Variants in GNAQ observed in about 807,000 individuals in gnomAD.
GNAQ encodes the protein guanine nucleotide-binding protein G(q) subunit alpha.
In GNAQ, 8 loss-of-function variants were observed where a neutral mutation model predicts 43.9. The ratio of observed to expected loss-of-function variants is 0.18; its 90% CI spans 0.11 to 0.33. The LOEUF (loss-of-function observed/expected upper bound fraction) is 0.33. GNAQ is among the 10% of genes least tolerant of loss of function. The pLI is 1.00. For missense variants in GNAQ, 158 were observed against 450.8 expected (o/e 0.35, Z 5.88); for synonymous variants, 155 against 170.7 (o/e 0.91, Z 0.71).
intron 1 of GNAQ, among the ~76,000 whole-genome samples, chr9:78,024,439 T>C (rs545476129): frequency 2.0e-5 from 3 of 152,288 alleles, no homozygotes; most frequent in East Asian, 1.9e-4. Context: ...TTACTGATAA[T>C]AGAATCATCA....
At chr9:77,722,223 G>A (rs142653544) in intron 6 of GNAQ, among the ~76,000 whole-genome samples, 1 of 151,188 alleles carries the variant, frequency 6.6e-6, no homozygotes, top group East Asian at 1.9e-4. Flanking sequence ...TGCAACCTCT[G>A]CCTCCCAGGT....
chr9:77,958,510 C>T (rs1241547116), intron 1 of GNAQ, among the ~76,000 whole-genome samples: 2 of 152,112 alleles, frequency 1.3e-5, no homozygotes, highest in East Asian at 3.8e-4. Context: ...TTTAGGACTT[C>T]CTTTGAAAGT....
chr9:77,835,168 C>T (rs1482115244), intron 2 of GNAQ, among the ~76,000 whole-genome samples: 2 of 152,034 alleles, frequency 1.3e-5, no homozygotes, highest in Non-Finnish European at 2.9e-5. Flanking sequence ...ATACACAGAA[C>T]AGCATGCAAT....
intron 5 of GNAQ, among the ~76,000 whole-genome samples, chr9:77,753,752 C>T (rs1385691451): frequency 6.6e-6 from 1 of 152,142 alleles, no homozygotes; most frequent in African/African-American, 2.4e-5. Context: ...TATTATTCTC[C>T]AGCATGCTAC....
In GNAQ at chr9:77,866,803, A is replaced by G. The variant is rs192781672; in HGVS notation, c.322-51033T>C. 1.1e-4 allele frequency among the ~76,000 whole-genome samples: 17 copies of G among 152,384 alleles called. No individual in the cohort carries two copies. The East Asian group carries it at 1.3e-3, about 12-fold the overall frequency. On this transcript the variant is annotated intron_variant, in intron 2 of 6. Transcript: ENST00000286548. ...CAATATTTTGTCTAAATTAAAATAC[A>G]AACTTTTTAAATGAAGGTATATAAA...
At chr9:77,994,455 C>T (rs1823544683) in intron 1 of GNAQ, among the ~76,000 whole-genome samples, 1 of 152,132 alleles carries the variant, frequency 6.6e-6, no homozygotes, top group African/African-American at 2.4e-5. Context: ...GTTACTATTC[C>T]TTCAGAACTT....
Position 77,912,957 on chromosome 9 carries a change from TGAGACCCAGTCTCAAACACAA to T in GNAQ, c.321+9183_321+9203del, listed in dbSNP as rs1294893848. ...TCTTGACCAGCCTGGGCAACATAGC[TGAGACCCAGTCTCAAACACAA>T]ACCAAAACTAGTAATACCAGCCATG... is the stretch of plus-strand genomic sequence containing the variant. On this transcript the variant is annotated intron_variant, in intron 2 of 6. Transcript: ENST00000286548. Among the ~76,000 whole-genome samples, 3 of 152,098 alleles carry T rather than the reference TGAGACCCAGTCTCAAACACAA, an allele frequency of 2.0e-5. No homozygotes were observed. The East Asian group carries it at 5.8e-4, about 29-fold the overall frequency.
chr9:77,837,847 A>AAT (rs781418287), intron 2 of GNAQ, among the ~76,000 whole-genome samples: 1 of 128,966 alleles, frequency 7.8e-6, no homozygotes, highest in African/African-American at 3.0e-5. Flanking sequence ...AGTGATTTAA[A>AAT]TTTTTTTTTT....
intron 1 of GNAQ, among the ~76,000 whole-genome samples, chr9:77,948,483 G>T (rs146713817): frequency 1.4e-3 from 213 of 152,284 alleles, no homozygotes; most frequent in African/African-American, 4.9e-3. Context: ...TAGCGGTAGG[G>T]ATGGAAGAGG....
At chr9:78,018,098 T>C (rs1564179785) in intron 1 of GNAQ, among the ~76,000 whole-genome samples, 1 of 152,016 alleles carries the variant, frequency 6.6e-6, no homozygotes, top group Non-Finnish European at 1.5e-5. Context: ...TGTGTGCATG[T>C]TTTAAAAAGC....
intron 6 of GNAQ, among the ~76,000 whole-genome samples, chr9:77,723,550 AAAACC>A (rs1316179110): frequency 1.3e-5 from 2 of 152,244 alleles, no homozygotes; most frequent in African/African-American, 4.8e-5. Context: ...ATGGAGAAAC[AAAACC>A]AAACCAAACA....
chr9:77,855,804 CTGGCTATAATATAACCAAAAAAG>C, intron 2 of GNAQ, among the ~76,000 whole-genome samples: 1 of 151,656 alleles, frequency 6.6e-6, no homozygotes, highest in African/African-American at 2.4e-5. Flanking sequence ...AAAGTCATGA[CTGGCTATAATATAACCAAAAAAG>C]TGACTCTAAC....
At chr9:77,877,238 C>T (rs1828139562) in intron 2 of GNAQ, among the ~76,000 whole-genome samples, 1 of 152,192 alleles carries the variant, frequency 6.6e-6, no homozygotes, top group African/African-American at 2.4e-5. Context: ...ATTCTGTACT[C>T]ATATAATTTG....
chr9:77,956,519 T>C (rs570047346), intron 1 of GNAQ, among the ~76,000 whole-genome samples: 1 of 152,306 alleles, frequency 6.6e-6, no homozygotes, highest in African/African-American at 2.4e-5. Context: ...ATATATCCTA[T>C]GGGAAGGAAC....
At chr9:77,981,270 C>CA (rs980517543) in intron 1 of GNAQ, among the ~76,000 whole-genome samples, 9 of 150,960 alleles carry the variant, frequency 6.0e-5, no homozygotes, top group South Asian at 2.1e-4. Flanking sequence ...TCAATCAAGA[C>CA]AAAAAAAATA....
chr9:77,823,097 G>A (rs1219619282), intron 2 of GNAQ, among the ~76,000 whole-genome samples: 3 of 151,864 alleles, frequency 2.0e-5, no homozygotes, highest in African/African-American at 4.8e-5. Context: ...CTGCCACAAC[G>A]CCCGGCTAAT....
At chr9:77,794,696 T>C in intron 4 of GNAQ, 104 bp from the exon 5 acceptor site, 1 of 599,558 alleles carries the variant, frequency 1.7e-6, no homozygotes, top group Non-Finnish European at 2.8e-6. Flanking sequence ...TTCTCTTGAA[T>C]GACGATGATC....
At chr9:77,976,631 C>A (rs1274261894) in intron 1 of GNAQ, among the ~76,000 whole-genome samples, 1 of 152,154 alleles carries the variant, frequency 6.6e-6, no homozygotes, top group African/African-American at 2.4e-5. Flanking sequence ...ACCTCGTGAT[C>A]CACCCACCTC....
intron 1 of GNAQ, among the ~76,000 whole-genome samples, chr9:77,992,410 G>A (rs1051707700): frequency 1.3e-5 from 2 of 152,082 alleles, no homozygotes; most frequent in African/African-American, 4.8e-5. Context: ...CTTATATGCA[G>A]GATTTTTATT....
Sources: allele counts gnomAD v4.1 joint callset (sites outside exome capture counted in the v4.1 genomes callset), GRCh38; gene constraint gnomAD v4.1.1; transcripts MANE v1.5; gene names NCBI Gene and HGNC (gene_info 2026-07-23, HGNC 2026-07-21).